Variants in SPIDR observed in about 807,000 individuals in gnomAD.
The protein encoded by SPIDR is scaffold protein involved in DNA repair.
SPIDR carries 93 observed loss-of-function variants against 104.6 expected under a neutral mutation model. That is an observed-to-expected ratio of 0.89 (90% CI 0.75 to 1.06). SPIDR has a LOEUF of 1.06. Ranked by LOEUF, SPIDR falls within the 50% of genes least tolerant of loss-of-function variation. The pLI, the probability that SPIDR is intolerant of heterozygous loss-of-function variation, is 0.00. For missense variants in SPIDR, 1,154 were observed against 1,111.2 expected, an observed-to-expected ratio of 1.04 and a Z score of -0.55; for synonymous variants, 431 against 416.9, an observed-to-expected ratio of 1.03 and a Z score of -0.41.
At chr8:47,526,504 G>T (rs952325249) in intron 8 of SPIDR, among the ~76,000 whole-genome samples, 1 of 152,066 alleles carries the variant, frequency 6.6e-6, no homozygotes, top group Non-Finnish European at 1.5e-5. Flanking sequence ...GGCAGACCAC[G>T]AGCAAAAAGA....
chr8:47,355,097 A>G (rs1274458214), intron 5 of SPIDR, among the ~76,000 whole-genome samples: 3 of 152,016 alleles, frequency 2.0e-5, no homozygotes, highest in African/African-American at 4.8e-5. Flanking sequence ...CTCGGATTAC[A>G]GGCACCCGCC....
chr8:47,594,197 A>G (rs1187545818), intron 8 of SPIDR, among the ~76,000 whole-genome samples: 1 of 4,176 alleles, frequency 2.4e-4, no homozygotes, highest in Non-Finnish European at 4.4e-4. Context: ...CAGTCTCTAC[A>G]AAAAAAAAAA....
intron 8 of SPIDR, among the ~76,000 whole-genome samples, chr8:47,485,164 C>T (rs2077388478): frequency 6.6e-6 from 1 of 152,210 alleles, no homozygotes; most frequent in Non-Finnish European, 1.5e-5. Context: ...CAGTGGTTTT[C>T]CAATGGTCTT....
intron 10 of SPIDR, among the ~76,000 whole-genome samples, chr8:47,642,285 G>C (rs1396214014): frequency 6.6e-6 from 1 of 151,966 alleles, no homozygotes; most frequent in Non-Finnish European, 1.5e-5. Context: ...GTGTGGTGGT[G>C]GGCGCCTGTA....
intron 9 of SPIDR, among the ~76,000 whole-genome samples, chr8:47,596,615 C>T (rs1420283188): frequency 6.6e-6 from 1 of 152,156 alleles, no homozygotes; most frequent in Non-Finnish European, 1.5e-5. Context: ...TCGGACACTA[C>T]TGTAGACTTT....
intron 8 of SPIDR, among the ~76,000 whole-genome samples, chr8:47,567,953 T>C (rs1252795088): frequency 6.6e-6 from 1 of 151,762 alleles, no homozygotes; most frequent in Non-Finnish European, 1.5e-5. Context: ...CCTAGAAATG[T>C]TTAAATAATT....
At chr8:47,601,137 A>G (rs2062223380) in intron 10 of SPIDR, among the ~76,000 whole-genome samples, 1 of 152,236 alleles carries the variant, frequency 6.6e-6, no homozygotes, top group African/African-American at 2.4e-5. Flanking sequence ...CTTGTGGTAG[A>G]CTGAAAGAAG....
At chr8:47,730,803 G>A (rs888510884) in intron 19 of SPIDR, among the ~76,000 whole-genome samples, 1 of 152,158 alleles carries the variant, frequency 6.6e-6, no homozygotes, top group African/African-American at 2.4e-5. Flanking sequence ...TGCACCTCAG[G>A]AGGGGCCAGC....
chr8:47,689,591 A>G (rs2078333859), intron 11 of SPIDR, among the ~76,000 whole-genome samples: 1 of 152,196 alleles, frequency 6.6e-6, no homozygotes, highest in Non-Finnish European at 1.5e-5. Flanking sequence ...TCCCAAGCAA[A>G]TTCTGCATCC....
chr8:47,530,940 G>T (rs2085883253), intron 8 of SPIDR, among the ~76,000 whole-genome samples: 1 of 150,786 alleles, frequency 6.6e-6, no homozygotes, highest in Non-Finnish European at 1.5e-5. Flanking sequence ...TAAAGGCAAG[G>T]TTGTGCATCC....
chr8:47,667,365 A>G (rs1004817695), intron 10 of SPIDR, among the ~76,000 whole-genome samples: 3 of 150,962 alleles, frequency 2.0e-5, no homozygotes, highest in Non-Finnish European at 3.0e-5. Context: ...TGAGAGTCCA[A>G]GGCAGAAGGA....
intron 10 of SPIDR, chr8:47,667,832 C>A (rs1416752321): frequency 1.3e-5 from 2 of 151,714 alleles, no homozygotes; most frequent in African/African-American, 2.4e-5. Context: ...TAGCGTGGCC[C>A]CTGGGCAAGG....
intron 14 of SPIDR, among the ~76,000 whole-genome samples, chr8:47,712,402 G>A (rs1311844154): frequency 6.6e-6 from 1 of 152,192 alleles, no homozygotes; most frequent in Non-Finnish European, 1.5e-5. Flanking sequence ...GATTCAGCCT[G>A]AGGATGTCAG....
intron 8 of SPIDR, among the ~76,000 whole-genome samples, chr8:47,514,198 A>G (rs1026988436): frequency 1.3e-5 from 2 of 152,176 alleles, no homozygotes; most frequent in Non-Finnish European, 1.5e-5. Context: ...CATTCGTTAA[A>G]TTGTCTGACT....
chr8:47,705,986 C>T (rs2081031212), intron 14 of SPIDR, among the ~76,000 whole-genome samples: 1 of 152,020 alleles, frequency 6.6e-6, no homozygotes, highest in Non-Finnish European at 1.5e-5. Flanking sequence ...TCATATTTAA[C>T]TTTTATTTTG....
chr8:47,494,751 C>T (rs2079195311), intron 8 of SPIDR, among the ~76,000 whole-genome samples: 1 of 152,130 alleles, frequency 6.6e-6, no homozygotes, highest in Non-Finnish European at 1.5e-5. Flanking sequence ...TTGAGACCTT[C>T]CTCCTCCCCT....
At chr8:47,674,050 C>G in intron 11 of SPIDR, 109 bp downstream of exon 11, 1 of 1,379,254 alleles carries the variant, frequency 7.3e-7, no homozygotes, top group South Asian at 1.6e-5. Context: ...AACCAGGATC[C>G]TAGAGTTTGC....
In SPIDR at chr8:47,376,739, A is replaced by G. The variant is rs141372075; in HGVS notation, c.526-19637A>G. 2.5e-3 allele frequency among the ~76,000 whole-genome samples: 382 copies of G among 152,342 alleles called. 11 individuals are homozygous for G. Among genetic ancestry groups the G allele is most frequent in the Admixed American group, 0.023 (355 of 15,306 alleles). On this transcript the variant is annotated intron_variant, in intron 5 of 19. Coordinates refer to ENST00000297423, the MANE Select transcript of SPIDR (RefSeq NM_001080394.4). ...TCTGAATTTTAGAGTTTTGTAGCATATCAAGGTACATTGAGTGATGAGGAA... is the reference window on the plus strand; with the variant it reads ...TCTGAATTTTAGAGTTTTGTAGCATGTCAAGGTACATTGAGTGATGAGGAA...
intron 8 of SPIDR, chr8:47,547,799 G>C (rs1352950262): frequency 1.7e-5 from 3 of 174,258 alleles, no homozygotes; most frequent in Admixed American, 6.4e-5. Flanking sequence ...ATGATGACGG[G>C]GAGACACTCT....
Sources: allele counts gnomAD v4.1 joint callset (sites outside exome capture counted in the v4.1 genomes callset), GRCh38; gene constraint gnomAD v4.1.1; transcripts MANE v1.5; gene names NCBI Gene and HGNC (gene_info 2026-07-23, HGNC 2026-07-21).